ANKFY1: variants seen among roughly 807,000 people sequenced by gnomAD.
ANKFY1 encodes the protein ankyrin repeat and FYVE domain-containing protein 1.
ANKFY1 carries 47 observed loss-of-function variants against 128.3 expected under a neutral mutation model. The ratio of observed to expected loss-of-function variants is 0.37; its 90% CI spans 0.29 to 0.47. The LOEUF (loss-of-function observed/expected upper bound fraction) is 0.47. ANKFY1 is among the 20% of genes least tolerant of loss of function. The pLI is 1.00. For missense variants in ANKFY1, 1,222 were observed against 1,510.6 expected, an observed-to-expected ratio of 0.81 and a Z score of 3.17; for synonymous variants, 553 against 601.6, an observed-to-expected ratio of 0.92 and a Z score of 1.18.
At chr17:4,255,033 A>G (rs1187253003) in intron 1 of ANKFY1, among the ~76,000 whole-genome samples, 2 of 152,094 alleles carry the variant, frequency 1.3e-5, no homozygotes, top group African/African-American at 4.8e-5. Flanking sequence ...GAACACCAAG[A>G]TTAGTCATTA....
intron 4 of ANKFY1, among the ~76,000 whole-genome samples, chr17:4,215,208 G>C (rs530511083): frequency 1.3e-5 from 2 of 150,310 alleles, no homozygotes; most frequent in South Asian, 2.1e-4. Flanking sequence ...AGAATCGCTT[G>C]AATCGGGAGG....
chr17:4,261,454 T>G (rs1968411446), intron 1 of ANKFY1, among the ~76,000 whole-genome samples: 1 of 152,180 alleles, frequency 6.6e-6, no homozygotes, highest in Non-Finnish European at 1.5e-5. Context: ...CACTCCCGCC[T>G]GGGCAACAGA....
Position 4,185,041 on chromosome 17 carries a change from T to C in ANKFY1, c.1476A>G (p.Glu492=). The change falls in exon 12 of 25, where the codon GAA becomes GAG. Residue 492 remains glutamate (E), a synonymous_variant. Transcript: ENST00000341657. ...GCCGACACGCTGTGTGCAACGGGGT[T>C]TCTCCCTGAATGGAAACAAATGGCC... ...AHVNHRNKWG[E]TPLHTACRHG... The C allele has an allele frequency of 6.2e-7, 1 of 1,612,558 alleles. No homozygotes were observed.
intron 11 of ANKFY1, chr17:4,186,323 A>G (rs138869857): frequency 1.3e-5 from 2 of 152,968 alleles, no homozygotes; most frequent in East Asian, 3.9e-4. Flanking sequence ...TCTTGTAAAA[A>G]TCAGCAAGAT....
At chr17:4,244,097 A>G (rs947051940) in intron 1 of ANKFY1, among the ~76,000 whole-genome samples, 4 of 152,020 alleles carry the variant, frequency 2.6e-5, no homozygotes, top group African/African-American at 9.7e-5. Context: ...CGCCCAGCTA[A>G]TTTTTGTATT....
At chr17:4,172,800 A>C in intron 21 of ANKFY1, 120 bp from the exon 22 acceptor site, 9 of 1,358,578 alleles carry the variant, frequency 6.6e-6, no homozygotes, top group Non-Finnish European at 7.9e-6. Flanking sequence ...AACAAGTCAC[A>C]AAAGTTTTTC....
Position 4,164,679 on chromosome 17 carries a change from C to T in ANKFY1, c.*3100G>A, listed in dbSNP as rs1177824090. 2.0e-5 allele frequency: 3 copies of T among 152,372 alleles called. No homozygotes were observed. Among genetic ancestry groups the T allele is most frequent in the Middle Eastern group, 6.8e-3 (2 of 294 alleles). 9.4% of individuals were successfully genotyped at this position (152,372 alleles called of 1,614,324 possible). On this transcript the variant is annotated 3_prime_UTR_variant, in exon 25 of 25. Transcript: ENST00000341657. ...ACCTAGATGGAGGTCAAGCTCTCCCCTTTCCCAAGACGTTCCCTCCACTCC... is the reference window on the plus strand; with the variant it reads ...ACCTAGATGGAGGTCAAGCTCTCCCTTTTCCCAAGACGTTCCCTCCACTCC...
At position 4,229,543 on chromosome 17, in the gene ANKFY1, TATAA is replaced by T. The variant is rs1237965995; in HGVS notation, c.322+6225_322+6228del. ...AAAAGAAATTATTGAATTGGCTAAA[TATAA>T]ATAAAAATTAAAAGAACAATGAACC... On this transcript the variant is annotated intron_variant, in intron 3 of 24. Coordinates refer to ENST00000341657, the MANE Select transcript of ANKFY1 (RefSeq NM_001330063.2). Among the ~76,000 whole-genome samples the T allele has an allele frequency of 2.6e-5, 4 of 152,086 alleles. No individual in the cohort carries two copies. The South Asian group carries it at 8.3e-4, about 32-fold the overall frequency.
At chr17:4,250,289 C>T (rs1967757570) in intron 1 of ANKFY1, among the ~76,000 whole-genome samples, 1 of 152,222 alleles carries the variant, frequency 6.6e-6, no homozygotes, top group African/African-American at 2.4e-5. Context: ...CTACTATAAA[C>T]TCGACAAGTC....
chr17:4,197,520 G>T lies in ANKFY1; in HGVS notation c.956C>A (p.Thr319Lys). 1 of 1,614,222 alleles carries T rather than the reference G, an allele frequency of 6.2e-7. No individual in the cohort carries two copies. Among genetic ancestry groups the T allele is most frequent in the South Asian group, 1.1e-5 (1 of 91,082 alleles). The change falls in exon 8 of 25, where the codon ACA becomes AAA. Residue 319 changes from threonine to lysine, a missense_variant. By Grantham distance (78) the Thr-to-Lys change is moderately conservative. Coordinates refer to ENST00000341657, the MANE Select transcript of ANKFY1 (RefSeq NM_001330063.2). The part of the protein sequence containing the change: ...IKNGAFVNAA[T>K]LGAQETPLHL... ...CAGTGGTGTCTCCTGGGCACCCAGTGTAGCAGCGTTGACAAAGGCCCCATT... is the reference window on the plus strand; with the variant it reads ...CAGTGGTGTCTCCTGGGCACCCAGTTTAGCAGCGTTGACAAAGGCCCCATT...
At chr17:4,223,691 G>C in intron 3 of ANKFY1, 2 of 1,602,360 alleles carry the variant, frequency 1.2e-6, no homozygotes, top group Non-Finnish European at 1.7e-6. Context: ...TTACCGAATA[G>C]CCCAGCCAAT....
At position 4,185,671 on chromosome 17, in the gene ANKFY1, C is replaced by T. The variant is rs537581963; in HGVS notation, c.1471-625G>A. ...TTCAGTGTCTTCCCCAAGCACCTTCCGAAAGCACTGGCTTCTTGACTTCAC... is the reference window on the plus strand; with the variant it reads ...TTCAGTGTCTTCCCCAAGCACCTTCTGAAAGCACTGGCTTCTTGACTTCAC... On this transcript the variant is annotated intron_variant, in intron 11 of 24. Coordinates refer to ENST00000341657, the MANE Select transcript of ANKFY1 (RefSeq NM_001330063.2). 1.9e-4 allele frequency among the ~76,000 whole-genome samples: 29 copies of T among 152,276 alleles called. No homozygotes were observed. In the South Asian group the frequency reaches 2.3e-3, roughly 12 times the overall value.
At chr17:4,261,348 C>T (rs1283505813) in intron 1 of ANKFY1, among the ~76,000 whole-genome samples, 3 of 152,166 alleles carry the variant, frequency 2.0e-5, no homozygotes, top group African/African-American at 4.8e-5. Context: ...GGTATGATGG[C>T]GGGTGCCTGT....
chr17:4,205,955 A>G (rs1194343534), intron 7 of ANKFY1, among the ~76,000 whole-genome samples: 1 of 152,256 alleles, frequency 6.6e-6, no homozygotes, highest in African/African-American at 2.4e-5. Flanking sequence ...TTTTGCTACT[A>G]TCCTTGTATC....
At chr17:4,230,768 A>G (rs145760721) in intron 3 of ANKFY1, among the ~76,000 whole-genome samples, 324 of 152,356 alleles carry the variant, frequency 2.1e-3, no homozygotes, top group African/African-American at 7.4e-3. Flanking sequence ...ATACCTTAGT[A>G]AGAAATAAAA....
chr17:4,243,082 G>GTTTT (rs1209395831), intron 1 of ANKFY1, among the ~76,000 whole-genome samples: 3 of 151,746 alleles, frequency 2.0e-5, no homozygotes, highest in African/African-American at 4.9e-5. Context: ...TTGTTTGTTT[G>GTTTT]TTTGAGACAG....
chr17:4,207,881 C>G (rs1027960539), intron 6 of ANKFY1, 52 bp downstream of exon 6: 68 of 1,507,488 alleles, frequency 4.5e-5, no homozygotes, highest in Non-Finnish European at 5.9e-5. Flanking sequence ...CGGAGAAAGA[C>G]AAGTGCATTA....
chr17:4,211,893 AAAC>A (rs1441819740), intron 4 of ANKFY1, among the ~76,000 whole-genome samples: 1 of 110,466 alleles, frequency 9.1e-6, no homozygotes, highest in Non-Finnish European at 1.9e-5. Flanking sequence ...CTCAAAAAAA[AAAC>A]AAAACAAAAA....
At chr17:4,260,618 C>CAAAAAAAAAAAAAAAAAA (rs60030304) in intron 1 of ANKFY1, among the ~76,000 whole-genome samples, 1 of 65,106 alleles carries the variant, frequency 1.5e-5, no homozygotes, top group Non-Finnish European at 2.7e-5. Flanking sequence ...ATCCTGTCTC[C>CAAAAAAAAAAAAAAAAAA]AAAAAAAAAA....
Sources: allele counts gnomAD v4.1 joint callset (sites outside exome capture counted in the v4.1 genomes callset), GRCh38; gene constraint gnomAD v4.1.1; transcripts MANE v1.5; gene names NCBI Gene and HGNC (gene_info 2026-07-23, HGNC 2026-07-21).